Variants in STPG2 observed in about 807,000 individuals in gnomAD.
The protein encoded by STPG2 is sperm tail PG-rich repeat containing 2.
A neutral mutation model predicts 54.2 loss-of-function variants in STPG2; 56 were observed. That is an observed-to-expected ratio of 1.03 (90% CI 0.83 to 1.29). The LOEUF (loss-of-function observed/expected upper bound fraction) is 1.29, where lower values mean the gene tolerates loss of function less well. Among genes scored for constraint, STPG2 ranks in the 50% most tolerant of loss-of-function variants. The pLI is 0.00. For synonymous variants in STPG2, 200 were observed against 181.8 expected, an observed-to-expected ratio of 1.10 and a Z score of -0.81; for missense variants, 596 against 544.9, an observed-to-expected ratio of 1.09 and a Z score of -0.93.
At chr4:98,000,093 C>T (rs1735369290) in intron 5 of STPG2, among the ~76,000 whole-genome samples, 1 of 151,960 alleles carries the variant, frequency 6.6e-6, no homozygotes. Context: ...ACTCTTTAGA[C>T]TCTACTCTAA....
chr4:97,934,043 G>T (rs1188185249), intron 8 of STPG2, among the ~76,000 whole-genome samples: 2 of 152,118 alleles, frequency 1.3e-5, no homozygotes, highest in African/African-American at 4.8e-5. Context: ...ATTTTCTTGA[G>T]CAGTGGTTTG....
At chr4:97,636,979 C>G (rs1307989429) in intron 10 of STPG2, among the ~76,000 whole-genome samples, 1 of 152,160 alleles carries the variant, frequency 6.6e-6, no homozygotes, top group Non-Finnish European at 1.5e-5. Flanking sequence ...GGAATCCTCC[C>G]TAACTCATTT....
chr4:97,487,449 G>T (rs1730396900), intron 4 of STPG2, among the ~76,000 whole-genome samples: 1 of 151,380 alleles, frequency 6.6e-6, no homozygotes, highest in African/African-American at 2.4e-5. Context: ...ATAAAGCTAA[G>T]AAACAAAATT....
At chr4:97,878,070 C>A (rs1340412638) in intron 8 of STPG2, among the ~76,000 whole-genome samples, 1 of 152,184 alleles carries the variant, frequency 6.6e-6, no homozygotes, top group African/African-American at 2.4e-5. Context: ...CCAAAATGAT[C>A]TCCTTTGACT....
intron 10 of STPG2, among the ~76,000 whole-genome samples, chr4:97,689,532 C>T (rs2148986994): frequency 6.6e-6 from 1 of 152,002 alleles, no homozygotes; most frequent in Non-Finnish European, 1.5e-5. Flanking sequence ...ATAGGGAAGT[C>T]GATTGACATT....
intron 9 of STPG2, among the ~76,000 whole-genome samples, chr4:97,813,029 T>G (rs1727791883): frequency 6.6e-6 from 1 of 152,124 alleles, no homozygotes; most frequent in East Asian, 1.9e-4. Context: ...ACATACAATC[T>G]GCTATCAAGT....
chr4:97,816,970 T>A (rs976849829), intron 9 of STPG2, among the ~76,000 whole-genome samples: 1 of 147,620 alleles, frequency 6.8e-6, no homozygotes, highest in African/African-American at 2.5e-5. Flanking sequence ...TATTATATAT[T>A]TTATATATTA....
At chr4:97,862,657 C>T (rs924162116) in intron 8 of STPG2, among the ~76,000 whole-genome samples, 1 of 152,122 alleles carries the variant, frequency 6.6e-6, no homozygotes, top group Non-Finnish European at 1.5e-5. Flanking sequence ...TTCTCAGCAC[C>T]ACACCACACC....
intron 5 of STPG2, among the ~76,000 whole-genome samples, chr4:98,040,004 A>T (rs928876048): frequency 1.3e-5 from 2 of 151,902 alleles, no homozygotes; most frequent in African/African-American, 4.8e-5. Context: ...TGACTTTTTA[A>T]TAATAGCCAT....
At chr4:97,900,289 T>C (rs551813302) in intron 8 of STPG2, among the ~76,000 whole-genome samples, 1 of 152,060 alleles carries the variant, frequency 6.6e-6, no homozygotes, top group African/African-American at 2.4e-5. Flanking sequence ...GCTGACAAGG[T>C]TGCAGAAAAA....
chr4:97,828,321 G>A (rs1728330172), intron 9 of STPG2, among the ~76,000 whole-genome samples: 4 of 152,154 alleles, frequency 2.6e-5, no homozygotes, highest in Non-Finnish European at 5.9e-5. Context: ...GGGAAGCCAT[G>A]AGGGACTGTG....
At chr4:98,037,258 G>A (rs542139545) in intron 5 of STPG2, among the ~76,000 whole-genome samples, 27 of 152,042 alleles carry the variant, frequency 1.8e-4, no homozygotes, top group Admixed American at 1.0e-3. Flanking sequence ...ATATGCAAAC[G>A]TACCAGTAAA....
chr4:98,049,298 A>G (rs783926), intron 5 of STPG2, among the ~76,000 whole-genome samples: 136,172 of 152,192 alleles, frequency 0.89, 61,260 homozygotes, highest in Middle Eastern at 0.98. Context: ...TTTACTACCT[A>G]TAAAACTTTG....
intron 8 of STPG2, among the ~76,000 whole-genome samples, chr4:97,932,542 G>T (rs1429378449): frequency 2.0e-5 from 3 of 152,024 alleles, no homozygotes; most frequent in African/African-American, 7.2e-5. Flanking sequence ...ACAGGCCCCA[G>T]TGTGTGTTGT....
intron 8 of STPG2, among the ~76,000 whole-genome samples, chr4:97,881,043 A>G (rs1351956021): frequency 6.6e-6 from 1 of 152,076 alleles, no homozygotes; most frequent in Non-Finnish European, 1.5e-5. Context: ...AGGTGATCTC[A>G]GTCACAAAGA....
At chr4:97,516,569 TC>T (rs1400428812) in intron 4 of STPG2, among the ~76,000 whole-genome samples, 1 of 152,088 alleles carries the variant, frequency 6.6e-6, no homozygotes, top group Non-Finnish European at 1.5e-5. Context: ...ACACGTGTAA[TC>T]CCAGCACTTT....
intron 3 of STPG2, among the ~76,000 whole-genome samples, chr4:98,126,306 T>G (rs1414445368): frequency 1.3e-5 from 2 of 152,188 alleles, no homozygotes; most frequent in Non-Finnish European, 2.9e-5. Context: ...AGTGGCCACA[T>G]GCCTGAGTGG....
At chr4:97,959,209 T>C (rs1376502186) in intron 7 of STPG2, among the ~76,000 whole-genome samples, 1 of 152,098 alleles carries the variant, frequency 6.6e-6, no homozygotes, top group Non-Finnish European at 1.5e-5. Flanking sequence ...ACCTTTGGGA[T>C]ACAGCAAAGG....
At chr4:97,617,001 T>C (rs1578427226) in intron 10 of STPG2, among the ~76,000 whole-genome samples, 1 of 152,184 alleles carries the variant, frequency 6.6e-6, no homozygotes, top group African/African-American at 2.4e-5. Flanking sequence ...CATGCCACTG[T>C]ATATTGTCCC....
Sources: gnomAD v4.1 joint callset for allele counts (sites outside exome capture counted in the v4.1 genomes callset) on GRCh38, gnomAD v4.1.1 for gene constraint, MANE v1.5 for transcripts, NCBI Gene and HGNC (gene_info 2026-07-23, HGNC 2026-07-21) for gene names.